Variants in ADAMTSL5 observed in about 807,000 individuals in gnomAD.
ADAMTSL5 encodes ADAMTS like 5.
Under a neutral mutation model 51.7 loss-of-function variants are expected in ADAMTSL5, and 53 were observed. That is an observed-to-expected ratio of 1.03 (90% confidence interval 0.82 to 1.29). The LOEUF is 1.29. Among genes scored for constraint, ADAMTSL5 ranks in the 50% most tolerant of loss-of-function variants. The pLI, the probability that ADAMTSL5 is intolerant of heterozygous loss-of-function variation, is 0.00. For synonymous variants in ADAMTSL5, 285 were observed against 278.7 expected (o/e 1.02, Z -0.23); for missense variants, 770 against 676.2 (o/e 1.14, Z -1.54).
intron 5 of ADAMTSL5, among the ~76,000 whole-genome samples, chr19:1,509,626 G>GGA (rs1568243880): frequency 2.6e-4 from 11 of 42,008 alleles, no homozygotes; most frequent in Admixed American, 4.4e-4. Flanking sequence ...GGAAGGAAGG[G>GGA]AGGGAGGGAG....
rs763158519 is a variant in ADAMTSL5 at position 1,507,392 on chromosome 19, G to C, written c.702C>G (p.Gly234=). ...GCCCATTAAGCACGTAGCGCCCATC[G>C]CCCCCCATCAGTGCTGCAAGGGAAC... The part of the protein sequence containing the change: ...RSRNHLALMG[G]DGRYVLNGHW... The change falls in exon 9 of 12, where the codon GGC becomes GGG. Residue 234 remains glycine, a synonymous_variant. Transcript: ENST00000330475. 57 of 1,573,062 alleles carry C rather than the reference G, an allele frequency of 3.6e-5. No individual in the cohort carries two copies. Among genetic ancestry groups the C allele is most frequent in the Non-Finnish European group, 4.8e-5 (56 of 1,158,696 alleles).
Position 1,506,252 on chromosome 19 carries a change from G to C in ADAMTSL5, c.1179C>G (p.Ile393Met). Residue 393 changes from isoleucine (I) to methionine (M), a missense_variant, in exon 12 of 12, where the codon ATC becomes ATG. By Grantham distance (10) the Ile-to-Met change is conservative. Coordinates refer to ENST00000330475, the MANE Select transcript of ADAMTSL5 (RefSeq NM_213604.3). The surrounding 1 kb of genome is among the most constrained non-coding windows in gnomAD (Gnocchi z 5.6). ...GCGAGCGGTTCTTGTAGACGAGCTG[G>C]ATGCGCACCTCATAGCGGGTCTCCT... Reference protein sequence around the residue: ...QAQETRYEVRIQLVYKNRSPL... With the variant: ...QAQETRYEVRMQLVYKNRSPL... 1 of 1,579,602 alleles carries C rather than the reference G, an allele frequency of 6.3e-7. No individual in the cohort carries two copies. The highest frequency in any genetic ancestry group is 8.6e-7 in the Non-Finnish European group (1 of 1,159,914).
Position 1,506,024 on chromosome 19 carries a change from A to C in ADAMTSL5, c.1407T>G (p.Cys469Trp). 1 of 1,568,160 alleles carries C rather than the reference A, an allele frequency of 6.4e-7. No individual in the cohort carries two copies. Among genetic ancestry groups the C allele is most frequent in the Non-Finnish European group, 8.6e-7 (1 of 1,164,668 alleles). ...DSRIRLTARR[C>W]PG ...GGGCTCCTGCAGGGGCTCAGCCAGG[A>C]CAGCGCCGGGCAGTCAGGCGTATGC... The change falls in exon 12 of 12, where the codon TGT (cysteine) becomes TGG (tryptophan). Residue 469 changes from cysteine (C) to tryptophan (W), a missense_variant. Physicochemically the swap from Cys to Trp is radical, Grantham distance 215. Coordinates refer to ENST00000330475, the MANE Select transcript of ADAMTSL5 (RefSeq NM_213604.3). This position sits in a 1 kb window ranked among gnomAD's most constrained non-coding sequence, Gnocchi z 5.6.
chr19:1,512,663 T>C (rs542405079), intron 1 of ADAMTSL5, among the ~76,000 whole-genome samples: 1 of 151,192 alleles, frequency 6.6e-6, no homozygotes, highest in Non-Finnish European at 1.5e-5. Context: ...CTGGGCGACA[T>C]AGTGAGACTC....
rs1280496789 is a variant in ADAMTSL5, at chr19:1,505,856, G to A, written c.*159C>T. ...GTGACAGTGGCTTTGACTGCATGCA[G>A]AGGTGTCTTAAGCGTGTGTGGGAGG... On this transcript the variant is annotated 3_prime_UTR_variant, in exon 12 of 12. Transcript: ENST00000330475. 4.4e-6 allele frequency: 4 copies of A among 913,172 alleles called. No individual in the cohort carries two copies. The highest frequency in any genetic ancestry group is 6.2e-6 in the Non-Finnish European group (4 of 642,280). 56.6% of individuals were successfully genotyped at this position (913,172 alleles called of 1,614,324 possible).
At chr19:1,507,910 C>A in intron 7 of ADAMTSL5, 88 bp downstream of exon 7, 2 of 1,397,430 alleles carry the variant, frequency 1.4e-6, no homozygotes, top group Non-Finnish European at 2.0e-6. Context: ...GCACACTGGC[C>A]AATCAGCACG....
Position 1,507,355 on chromosome 19 carries a change from T to C in ADAMTSL5, c.739A>G (p.Ser247Gly), listed in dbSNP as rs1284147692. The change falls in exon 9 of 12, where the codon AGC (serine) becomes GGC (glycine). Residue 247 changes from serine to glycine, a missense_variant. Ser to Gly is a moderately conservative substitution (Grantham distance 56). Coordinates refer to ENST00000330475, the MANE Select transcript of ADAMTSL5 (RefSeq NM_213604.3). ...RYVLNGHWVV[S>G]PPGTYEAAGT... Reference sequence around the variant, plus strand: ...GCCGCCTCGTAGGTCCCTGGTGGGCTGACCACCCAGTGCCCATTAAGCACG... The same window carrying C: ...GCCGCCTCGTAGGTCCCTGGTGGGCCGACCACCCAGTGCCCATTAAGCACG... 3 of 1,587,206 alleles carry C rather than the reference T, an allele frequency of 1.9e-6. No individual in the cohort carries two copies. The highest frequency in any genetic ancestry group is 2.2e-5 in the East Asian group (1 of 44,628).
chr19:1,507,162 C>G (rs1912979693), intron 9 of ADAMTSL5, 80 bp downstream of exon 9: 6 of 1,499,914 alleles, frequency 4.0e-6, no homozygotes, highest in Admixed American at 2.3e-5. Flanking sequence ...CCAGTCACCT[C>G]CACTCCTACC....
At chr19:1,509,277 A>AAAG (rs1568243587) in intron 5 of ADAMTSL5, among the ~76,000 whole-genome samples, 7 of 150,854 alleles carry the variant, frequency 4.6e-5, no homozygotes, top group Non-Finnish European at 7.4e-5. Context: ...AAAAAAAAAA[A>AAAG]AAGAAGATCT....
chr19:1,508,029 G>A lies in ADAMTSL5; in HGVS notation c.570C>T (p.Cys190=), dbSNP rs371277200. The A allele has an allele frequency of 2.5e-6, 4 of 1,607,178 alleles. No individual in the cohort carries two copies. The highest frequency in any genetic ancestry group is 1.3e-5 in the African/African-American group (1 of 74,910). The change falls in exon 7 of 12, where the codon TGC becomes TGT. Residue 190 remains cysteine, a synonymous_variant. Transcript: ENST00000330475. ...CACGAAACACGCGCTGCACGAAAAG[G>A]CACGAGTCGTTGGCGCCTCCGCAGC... The part of the protein sequence containing the change: ...CGRCGGANDS[C]LFVQRVFRDA...
At position 1,506,825 on chromosome 19, in the gene ADAMTSL5, A is replaced by T. The variant is rs76330688; in HGVS notation, c.956T>A (p.Leu319Gln). Residue 319 changes from leucine (L) to glutamine (Q), a missense_variant, in exon 10 of 12, where the codon CTG (leucine) becomes CAG (glutamine). Physicochemically the swap from Leu to Gln is moderately radical, Grantham distance 113. Coordinates refer to ENST00000330475, the MANE Select transcript of ADAMTSL5 (RefSeq NM_213604.3). This position sits in a 1 kb window ranked among gnomAD's most constrained non-coding sequence, Gnocchi z 5.6. ...QARVQALGWP[L>Q]RQPQPRGVEP... ...CACCCCCCGGGGCTGAGGCTGCCTC[A>T]GGGGCCAGCCCAGGGCCTGCACACG... 1,864 of 1,540,810 alleles carry T rather than the reference A, an allele frequency of 1.2e-3. 27 individuals carry two copies. In the African/African-American group the frequency reaches 0.023, roughly 19 times the overall value.
chr19:1,508,407 TGGGCGGGGCTC>T, intron 6 of ADAMTSL5, 25 bp downstream of exon 6: 1 of 594,550 alleles, frequency 1.7e-6, no homozygotes, highest in East Asian at 1.9e-4. Context: ...GAGTGGGAGG[TGGGCGGGGCTC>T]GGGCGGGGCC....
At chr19:1,507,463 T>C (rs948184972) in intron 8 of ADAMTSL5, 58 bp from the exon 9 acceptor site, 27 of 1,606,342 alleles carry the variant, frequency 1.7e-5, no homozygotes, top group Non-Finnish European at 2.3e-5. Context: ...GACCCTGGGG[T>C]CCCCTCCTCA....
At position 1,507,999 on chromosome 19, in the gene ADAMTSL5, G is replaced by A. The variant is rs148337664; in HGVS notation, c.600C>T (p.Ala200=). 1.3e-4 allele frequency: 211 copies of A among 1,591,782 alleles called. No homozygotes were observed. The highest frequency in any genetic ancestry group is 1.6e-4 in the Non-Finnish European group (191 of 1,170,044). Residue 200 remains alanine (A), a splice_region_variant and synonymous_variant, in exon 7 of 12, where the codon GCC becomes GCT. Transcript: ENST00000330475. ...CLFVQRVFRD[A]GAFAGYWNVT... ...AGGGAGGGCGGGGCAGGTAGTCACC[G>A]GCGTCACGAAACACGCGCTGCACGA... is the stretch of plus-strand genomic sequence containing the variant.
In ADAMTSL5 at chr19:1,508,007, G is replaced by C; in HGVS notation, c.592C>G (p.Arg198Gly). 6.3e-7 allele frequency: 1 copy of C among 1,598,714 alleles called. No individual in the cohort carries two copies. Among genetic ancestry groups the C allele is most frequent in the Non-Finnish European group, 8.5e-7 (1 of 1,173,462 alleles). Residue 198 changes from arginine (R) to glycine (G), a missense_variant, in exon 7 of 12, where the codon CGT (arginine) becomes GGT (glycine). Arg to Gly is a moderately radical substitution (Grantham distance 125). Coordinates refer to ENST00000330475, the MANE Select transcript of ADAMTSL5 (RefSeq NM_213604.3). ...DSCLFVQRVF[R>G]DAGAFAGYWN... is the part of the protein sequence containing the mutation. ...CGGGGCAGGTAGTCACCGGCGTCAC[G>C]AAACACGCGCTGCACGAAAAGGCAC...
chr19:1,512,355 A>G (rs969475752), intron 1 of ADAMTSL5, among the ~76,000 whole-genome samples: 5 of 152,172 alleles, frequency 3.3e-5, no homozygotes, highest in African/African-American at 9.7e-5. Context: ...TGGCCCAGGA[A>G]GCAGGAAGAA....
At chr19:1,510,600 G>C in intron 3 of ADAMTSL5, 39 bp downstream of exon 3, 2 of 1,497,074 alleles carry the variant, frequency 1.3e-6, no homozygotes, top group Non-Finnish European at 1.8e-6. Context: ...TGGGCCGGCG[G>C]GGGAGGAGGG....
intron 7 of ADAMTSL5, 24 bp from the exon 8 acceptor site, chr19:1,507,667 T>C (rs1913020172): frequency 1.2e-6 from 2 of 1,606,540 alleles, no homozygotes; most frequent in Non-Finnish European, 1.7e-6. Flanking sequence ...TAGGAGGGTG[T>C]TGGGGTGCCA....
chr19:1,509,254 C>CAA (rs753778097), intron 5 of ADAMTSL5, among the ~76,000 whole-genome samples: 1,544 of 49,024 alleles, frequency 0.031, 149 homozygotes, highest in African/African-American at 0.078. Context: ...GACTCCATCT[C>CAA]AAAAAAAAAA....
Sources: allele counts gnomAD v4.1 joint callset (sites outside exome capture counted in the v4.1 genomes callset), GRCh38; gene constraint gnomAD v4.1.1; non-coding constraint Gnocchi (gnomAD v3.1); transcripts MANE v1.5; gene names NCBI Gene and HGNC (gene_info 2026-07-23, HGNC 2026-07-21).